The following TBC1D4 variants were observed in gnomAD, a reference collection of about 807,000 sequenced individuals.
TBC1D4 encodes the protein TBC (Tre-2, BUB2, CDC16) domain-containing protein.
A neutral mutation model predicts 142.5 loss-of-function variants in TBC1D4; 121 were observed. The observed-to-expected ratio is 0.85, with a 90% CI of 0.73 to 0.99. The LOEUF (loss-of-function observed/expected upper bound fraction) is 0.99, where lower values mean the gene tolerates loss of function less well. Ranked by LOEUF, TBC1D4 falls within the 50% of genes least tolerant of loss-of-function variation. TBC1D4 has a pLI of 0.00. For synonymous variants in TBC1D4, 630 were observed against 628.2 expected (o/e 1.00, Z -0.04); for missense variants, 1,475 against 1,606.6 (o/e 0.92, Z 1.40).
intron 1 of TBC1D4, among the ~76,000 whole-genome samples, chr13:75,413,702 C>T (rs1885785556): frequency 1.3e-5 from 2 of 152,300 alleles, no homozygotes; most frequent in South Asian, 2.1e-4. Context: ...CTTTCTGTCA[C>T]TAAGCATCAC....
intron 1 of TBC1D4, among the ~76,000 whole-genome samples, chr13:75,463,568 A>T (rs757458504): frequency 2.0e-5 from 3 of 152,200 alleles, no homozygotes; most frequent in Non-Finnish European, 4.4e-5. Context: ...AATCAAATTG[A>T]AAAACACTGA....
At chr13:75,327,235 G>T (rs574954952) in intron 9 of TBC1D4, among the ~76,000 whole-genome samples, 15 of 152,178 alleles carry the variant, frequency 9.9e-5, no homozygotes, top group African/African-American at 3.4e-4. Flanking sequence ...TCAACAGAAA[G>T]TTTAACAGAA....
chr13:75,309,997 A>G lies in TBC1D4; in HGVS notation c.2538T>C (p.Ala846=). The change falls in exon 14 of 21, where the codon GCT becomes GCC. Residue 846 remains alanine (A), a synonymous_variant. Transcript: ENST00000377636. ...GAAGTAACAAGATTTGTTGGTGTAT[A>G]GCTTTTCTCCACAAGCTCCTCAGTT... is the stretch of plus-strand genomic sequence containing the variant. ...SKELRSLWRK[A]IHQQILLLRM... 1 of 1,614,168 alleles carries G rather than the reference A, an allele frequency of 6.2e-7. No individual in the cohort carries two copies. Among genetic ancestry groups the G allele is most frequent in the Non-Finnish European group, 8.5e-7 (1 of 1,180,000 alleles).
chr13:75,390,074 G>C (rs1032757798), intron 1 of TBC1D4, among the ~76,000 whole-genome samples: 1 of 151,900 alleles, frequency 6.6e-6, no homozygotes, highest in Non-Finnish European at 1.5e-5. Flanking sequence ...TCAGGAGTTC[G>C]AGACCAGCCT....
In TBC1D4 at chr13:75,350,108, A is replaced by C. The variant is rs560868769; in HGVS notation, c.1276-806T>G. Reference sequence around the variant, plus strand: ...TTTTAGGTTGTATCTCCTTTTCTGGAAACAATCACAAATGTAAAGTGTAAT... The same window carrying C: ...TTTTAGGTTGTATCTCCTTTTCTGGCAACAATCACAAATGTAAAGTGTAAT... On this transcript the variant is annotated intron_variant, in intron 4 of 20. Coordinates refer to ENST00000377636, the MANE Select transcript of TBC1D4 (RefSeq NM_014832.5). Among the ~76,000 whole-genome samples, 5 of 152,316 alleles carry C rather than the reference A, an allele frequency of 3.3e-5. No homozygotes were observed. The East Asian group carries it at 9.6e-4, about 29-fold the overall frequency.
chr13:75,328,111 A>AG (rs1263418301), intron 8 of TBC1D4, among the ~76,000 whole-genome samples: 2 of 152,324 alleles, frequency 1.3e-5, no homozygotes, highest in East Asian at 3.9e-4. Context: ...CCATAAGTTC[A>AG]GTGAGGGCCC....
chr13:75,362,329 C>G lies in TBC1D4; in HGVS notation c.777G>C (p.Val259=), dbSNP rs780708104. 5.0e-6 allele frequency: 8 copies of G among 1,614,078 alleles called. No individual in the cohort carries two copies. The highest frequency in any genetic ancestry group is 5.9e-6 in the Non-Finnish European group (7 of 1,180,042). Residue 259 remains valine (V), a synonymous_variant, in exon 2 of 21, where the codon GTG becomes GTC. Coordinates refer to ENST00000377636, the MANE Select transcript of TBC1D4 (RefSeq NM_014832.5). This position sits in a 1 kb window ranked among gnomAD's most constrained non-coding sequence, Gnocchi z 4.2. ...GCAGGCAGTCTCCGGGGGACCCGGGCACCACCACCTCCAAGTCAGCCAGGT... is the reference window on the plus strand; with the variant it reads ...GCAGGCAGTCTCCGGGGGACCCGGGGACCACCACCTCCAAGTCAGCCAGGT... The part of the protein sequence containing the change: ...GEDLADLEVV[V]PGSPGDCLPE...
At chr13:75,481,195 T>TCCCCGCC (rs1888850377) in intron 1 of TBC1D4, 75 bp downstream of exon 1, 1 of 1,287,398 alleles carries the variant, frequency 7.8e-7, no homozygotes, top group Non-Finnish European at 1.1e-6. Flanking sequence ...TAAAGTGGGG[T>TCCCCGCC]CCCCGCCCCT....
At position 75,374,431 on chromosome 13, in the gene TBC1D4, G is replaced by A. The variant is rs540369897; in HGVS notation, c.499-11824C>T. On this transcript the variant is annotated intron_variant, in intron 1 of 20. Transcript: ENST00000377636. The stretch of plus-strand genomic sequence containing the variant: ...TCAAATTTTAACTCCTTAGAGAAGC[G>A]CTCACCTTAGAATTTCAAGTAGAAT... Among the ~76,000 whole-genome samples, 8 of 152,024 alleles carry A rather than the reference G, an allele frequency of 5.3e-5. No homozygotes were observed. In the South Asian group the frequency reaches 1.5e-3, roughly 28 times the overall value.
rs146774698 is a variant in TBC1D4, at chr13:75,471,922, C to T, written c.498+9348G>A. ...GGGAGTGCGAGACCAGCCTGGTCAA[C>T]GTGGTAAAACCTCATCTCTACTAAA... is the stretch of plus-strand genomic sequence containing the variant. On this transcript the variant is annotated intron_variant, in intron 1 of 20. Coordinates refer to ENST00000377636, the MANE Select transcript of TBC1D4 (RefSeq NM_014832.5). 5.3e-3 allele frequency among the ~76,000 whole-genome samples: 794 copies of T among 149,818 alleles called. 7 individuals carry two copies. Among genetic ancestry groups the T allele is most frequent in the African/African-American group, 0.016 (650 of 40,646 alleles).
At chr13:75,385,567 C>T (rs988766613) in intron 1 of TBC1D4, among the ~76,000 whole-genome samples, 2 of 152,210 alleles carry the variant, frequency 1.3e-5, no homozygotes, top group Admixed American at 1.3e-4. Context: ...AAAGCAAATA[C>T]ATGAACAATT....
intron 4 of TBC1D4, among the ~76,000 whole-genome samples, chr13:75,355,400 A>G (rs1035832527): frequency 1.3e-5 from 2 of 152,194 alleles, no homozygotes; most frequent in Admixed American, 1.3e-4. Flanking sequence ...AAATCAACTT[A>G]TTTCTTAGCC....
intron 12 of TBC1D4, among the ~76,000 whole-genome samples, chr13:75,314,276 T>C (rs1018608960): frequency 6.6e-6 from 1 of 151,982 alleles, no homozygotes; most frequent in Admixed American, 6.6e-5. Flanking sequence ...TACCAACAAA[T>C]GAAGGTATAA....
chr13:75,414,574 T>C (rs1181477653), intron 1 of TBC1D4, among the ~76,000 whole-genome samples: 1 of 152,058 alleles, frequency 6.6e-6, no homozygotes, highest in Admixed American at 6.6e-5. Flanking sequence ...TGTGTGTTTA[T>C]GTTGGGAGAA....
chr13:75,481,374 T>C lies in TBC1D4; in HGVS notation c.394A>G (p.Asn132Asp), dbSNP rs778971501. 3 of 1,613,864 alleles carry C rather than the reference T, an allele frequency of 1.9e-6. No individual in the cohort carries two copies. The South Asian group carries it at 3.3e-5, about 18-fold the overall frequency. The change falls in exon 1 of 21, where the codon AAC (asparagine) becomes GAC (aspartate). Residue 132 changes from asparagine to aspartate, a missense_variant. Transcript: ENST00000377636. ...KAQHISRFIH[N>D]SHDLTYFAYL... ...GCAAAGTAGGTGAGGTCGTGGCTGT[T>C]GTGGATGAAGCGCGAGATATGCTGC...
chr13:75,290,842 G>T (rs973566608), intron 19 of TBC1D4, among the ~76,000 whole-genome samples: 1 of 152,150 alleles, frequency 6.6e-6, no homozygotes, highest in Non-Finnish European at 1.5e-5. Flanking sequence ...ACTCAGAGAG[G>T]TTGTAACTTG....
chr13:75,353,766 TA>T (rs765890465), intron 4 of TBC1D4, among the ~76,000 whole-genome samples: 2 of 151,518 alleles, frequency 1.3e-5, no homozygotes, highest in African/African-American at 4.9e-5. Flanking sequence ...TTAAAAGCAG[TA>T]AAAAAAAGAG....
intron 4 of TBC1D4, among the ~76,000 whole-genome samples, chr13:75,354,201 G>C (rs528927352): frequency 2.2e-4 from 33 of 152,338 alleles, no homozygotes; most frequent in Non-Finnish European, 4.0e-4. Context: ...GATGAGGCTA[G>C]AGAATGAAGT....
intron 1 of TBC1D4, among the ~76,000 whole-genome samples, chr13:75,454,176 T>C (rs1887639904): frequency 6.6e-6 from 1 of 152,004 alleles, no homozygotes. Flanking sequence ...TGTGCCACCA[T>C]GCCCAAGAGT....
Sources: allele counts gnomAD v4.1 joint callset (sites outside exome capture counted in the v4.1 genomes callset), GRCh38; gene constraint gnomAD v4.1.1; non-coding constraint Gnocchi (gnomAD v3.1); transcripts MANE v1.5; gene names NCBI Gene and HGNC (gene_info 2026-07-23, HGNC 2026-07-21).